Variants in SNTG1 observed in about 807,000 individuals in gnomAD.
SNTG1 encodes the protein gamma-1-syntrophin.
In SNTG1, 39 loss-of-function variants were observed where a neutral mutation model predicts 74.7. That is an observed-to-expected ratio of 0.52 (90% confidence interval 0.40 to 0.68). The LOEUF is 0.68. SNTG1 is among the 30% of genes least tolerant of loss of function. The pLI, the probability that SNTG1 is intolerant of heterozygous loss-of-function variation, is 0.00. For synonymous variants in SNTG1, 254 were observed against 217.1 expected, an observed-to-expected ratio of 1.17 and a Z score of -1.49; for missense variants, 685 against 609.5, an observed-to-expected ratio of 1.12 and a Z score of -1.30.
intron 5 of SNTG1, among the ~76,000 whole-genome samples, chr8:50,444,822 C>T (rs551127236): frequency 1.3e-5 from 2 of 151,626 alleles, no homozygotes; most frequent in Admixed American, 1.3e-4. Flanking sequence ...GGATTAGTCC[C>T]AAAAATGAGT....
chr8:49,952,189 T>A (rs189943459), intron 1 of SNTG1, among the ~76,000 whole-genome samples: 3 of 152,176 alleles, frequency 2.0e-5, no homozygotes, highest in African/African-American at 7.2e-5. Flanking sequence ...TGCTATATAC[T>A]GTATCATGCC....
chr8:50,311,162 T>C (rs1280851038), intron 2 of SNTG1, among the ~76,000 whole-genome samples: 1 of 152,240 alleles, frequency 6.6e-6, no homozygotes, highest in Non-Finnish European at 1.5e-5. Flanking sequence ...CATTTTATAC[T>C]TGGCTATCTA....
At chr8:50,464,059 T>G (rs1467090386) in intron 8 of SNTG1, among the ~76,000 whole-genome samples, 3 of 152,184 alleles carry the variant, frequency 2.0e-5, no homozygotes, top group Non-Finnish European at 4.4e-5. Flanking sequence ...TCTTCTTCAG[T>G]GTCCTCATTT....
chr8:50,188,314 A>G (rs1192181497), intron 2 of SNTG1, among the ~76,000 whole-genome samples: 1 of 152,052 alleles, frequency 6.6e-6, no homozygotes, highest in Non-Finnish European at 1.5e-5. Flanking sequence ...CCCCATCTTT[A>G]GCCCTCTCTG....
At chr8:50,312,742 G>A (rs995458865) in intron 2 of SNTG1, among the ~76,000 whole-genome samples, 2 of 149,802 alleles carry the variant, frequency 1.3e-5, no homozygotes, top group African/African-American at 5.0e-5. Flanking sequence ...TGCCTTCCAG[G>A]ATTATTGTGA....
chr8:50,550,335 C>T (rs945433100), intron 11 of SNTG1, among the ~76,000 whole-genome samples: 22 of 152,258 alleles, frequency 1.4e-4, no homozygotes, highest in African/African-American at 5.3e-4. Flanking sequence ...GCAGCTCTTG[C>T]TCCTTGTGCA....
chr8:50,406,302 GT>G (rs1319260418), intron 4 of SNTG1, among the ~76,000 whole-genome samples: 2 of 152,064 alleles, frequency 1.3e-5, no homozygotes, highest in Admixed American at 1.3e-4. Context: ...ATTTTTGATA[GT>G]ATTGTTAAAA....
chr8:50,276,122 T>G lies in SNTG1; in HGVS notation c.-28+103487T>G, dbSNP rs1173567946. On this transcript the variant is annotated intron_variant, in intron 2 of 18. Transcript: ENST00000642720. ...CAGAGACATCTAGAAGCATAACTCA[T>G]TTAAAGAGCAAGAACTAGGGAGACA... Among the ~76,000 whole-genome samples, 3 of 152,116 alleles carry G rather than the reference T, an allele frequency of 2.0e-5. 1 individual carries two copies. The East Asian group carries it at 5.8e-4, about 29-fold the overall frequency.
At chr8:50,291,771 T>C (rs1333943522) in intron 2 of SNTG1, among the ~76,000 whole-genome samples, 1 of 152,166 alleles carries the variant, frequency 6.6e-6, no homozygotes, top group African/African-American at 2.4e-5. Flanking sequence ...AATCTGACTG[T>C]TGCTTGTGTC....
chr8:50,686,864 G>A (rs866195365), intron 15 of SNTG1, among the ~76,000 whole-genome samples: 10 of 152,010 alleles, frequency 6.6e-5, no homozygotes, highest in African/African-American at 1.4e-4. Context: ...GGCCGGGCGC[G>A]GTGGCTCACG....
chr8:49,952,641 A>G (rs534290196), intron 1 of SNTG1, among the ~76,000 whole-genome samples: 37 of 152,230 alleles, frequency 2.4e-4, no homozygotes, highest in Non-Finnish European at 4.4e-4. Flanking sequence ...GCCACCAAAA[A>G]GTATCTGACT....
At chr8:50,511,130 G>A (rs1438961928) in intron 9 of SNTG1, among the ~76,000 whole-genome samples, 2 of 152,086 alleles carry the variant, frequency 1.3e-5, no homozygotes, top group Non-Finnish European at 2.9e-5. Flanking sequence ...TCTTCTCATT[G>A]GTTTTAAAGA....
chr8:50,280,804 T>A (rs1048489763), intron 2 of SNTG1, among the ~76,000 whole-genome samples: 6 of 151,674 alleles, frequency 4.0e-5, no homozygotes, highest in Non-Finnish European at 8.8e-5. Context: ...GATGGCAAAT[T>A]TTTCCTGTCT....
intron 2 of SNTG1, among the ~76,000 whole-genome samples, chr8:50,221,512 TACACAC>T (rs71550218): frequency 0.031 from 4,019 of 130,142 alleles, 160 homozygotes; most frequent in African/African-American, 0.091. Context: ...AACACACACA[TACACAC>T]ACACACACAC....
intron 2 of SNTG1, among the ~76,000 whole-genome samples, chr8:50,281,615 G>A (rs2088459740): frequency 1.3e-5 from 2 of 152,100 alleles, no homozygotes; most frequent in African/African-American, 2.4e-5. Flanking sequence ...GAGAAAAACT[G>A]GAAGAATTCC....
chr8:50,688,945 T>G (rs1184878930), intron 15 of SNTG1, among the ~76,000 whole-genome samples: 2 of 152,184 alleles, frequency 1.3e-5, no homozygotes, highest in East Asian at 3.9e-4. Context: ...AGCAGTGGTT[T>G]GTAGTTCTCC....
intron 1 of SNTG1, among the ~76,000 whole-genome samples, chr8:49,971,779 A>G (rs1811703805): frequency 1.3e-5 from 2 of 152,164 alleles, no homozygotes. Flanking sequence ...CTTCAAAGAG[A>G]ATAAAATACC....
intron 13 of SNTG1, among the ~76,000 whole-genome samples, chr8:50,596,527 T>C (rs1036778576): frequency 5.3e-5 from 8 of 152,094 alleles, no homozygotes; most frequent in Non-Finnish European, 1.0e-4. Context: ...TTCCAGCATA[T>C]GTGTTGAAAG....
At chr8:50,314,585 T>G (rs879355441) in intron 2 of SNTG1, among the ~76,000 whole-genome samples, 3 of 149,726 alleles carry the variant, frequency 2.0e-5, no homozygotes, top group African/African-American at 7.5e-5. Context: ...TTGGGAGGTA[T>G]AGATGGAGAT....
Sources: gnomAD v4.1 joint callset for allele counts (sites outside exome capture counted in the v4.1 genomes callset) on GRCh38, gnomAD v4.1.1 for gene constraint, MANE v1.5 for transcripts, NCBI Gene and HGNC (gene_info 2026-07-23, HGNC 2026-07-21) for gene names.